Variants in ACVR1C observed in about 807,000 individuals in gnomAD.
The protein encoded by ACVR1C is activin receptor type-1C.
In ACVR1C, 23 loss-of-function variants were observed where a neutral mutation model predicts 57.9. That is an observed-to-expected ratio of 0.40 (90% CI 0.29 to 0.56). The LOEUF is 0.56. ACVR1C is among the 20% of genes least tolerant of loss of function. The probability of loss-of-function intolerance (pLI) is 0.50; values close to 1 mark genes in which losing one functional copy is unlikely to be tolerated. For synonymous variants in ACVR1C, 214 were observed against 215.3 expected, an observed-to-expected ratio of 0.99 and a Z score of 0.05; for missense variants, 480 against 607.9, an observed-to-expected ratio of 0.79 and a Z score of 2.21.
At chr2:157,566,196 A>G (rs1293385396) in intron 2 of ACVR1C, among the ~76,000 whole-genome samples, 2 of 152,172 alleles carry the variant, frequency 1.3e-5, no homozygotes, top group African/African-American at 2.4e-5. Flanking sequence ...CCCTTTACAT[A>G]AAAAAAGAAA....
At chr2:157,621,481 G>T (rs191410609) in intron 1 of ACVR1C, among the ~76,000 whole-genome samples, 68 of 152,224 alleles carry the variant, frequency 4.5e-4, no homozygotes, top group African/African-American at 1.6e-3. Context: ...GATTTGTATT[G>T]TTCGGGTTTC....
rs1687321167 is a variant in ACVR1C at position 157,530,043 on chromosome 2, A to G, written c.*3875T>C. 6.6e-6 allele frequency: 1 copy of G among 152,138 alleles called. No individual in the cohort carries two copies. The highest frequency in any genetic ancestry group is 2.1e-4 in the South Asian group (1 of 4,830). The allele number at this position is 152,138 out of a possible 1,614,324, so 9.4% of individuals were successfully genotyped here. On this transcript the variant is annotated 3_prime_UTR_variant, in exon 9 of 9. Coordinates refer to ENST00000243349, the MANE Select transcript of ACVR1C (RefSeq NM_145259.3). ...CAAAGCATTGTCAAACAGAAATAGT[A>G]TGTTTCACAAAAGATGTTTAAAATA...
chr2:157,574,260 T>C (rs977003626), intron 2 of ACVR1C, among the ~76,000 whole-genome samples: 2 of 152,204 alleles, frequency 1.3e-5, no homozygotes, highest in African/African-American at 4.8e-5. Context: ...GCAGATTCTA[T>C]GTTTGGTGAA....
chr2:157,530,927 A>T lies in ACVR1C; in HGVS notation c.*2991T>A, dbSNP rs1687337168. The stretch of plus-strand genomic sequence containing the variant: ...ATGTTTCTCTTATTTTCAGAAAGTG[A>T]TGCTGCATTTAAATCCCATCACCAC... On this transcript the variant is annotated 3_prime_UTR_variant, in exon 9 of 9. Transcript: ENST00000243349. 1 of 152,124 alleles carries T rather than the reference A, an allele frequency of 6.6e-6. No individual in the cohort carries two copies. The highest frequency in any genetic ancestry group is 1.5e-5 in the Non-Finnish European group (1 of 67,962). 9.4% of individuals were successfully genotyped at this position (152,124 alleles called of 1,614,324 possible).
intron 4 of ACVR1C, among the ~76,000 whole-genome samples, chr2:157,548,898 A>C (rs1214917680): frequency 6.6e-6 from 1 of 152,224 alleles, no homozygotes; most frequent in South Asian, 2.1e-4. Context: ...CAATCAAAAG[A>C]GATAATATTT....
chr2:157,561,967 A>G (rs185762233), intron 2 of ACVR1C, among the ~76,000 whole-genome samples: 2 of 152,292 alleles, frequency 1.3e-5, no homozygotes, highest in East Asian at 3.9e-4. Context: ...TATGTGACCC[A>G]TCTAGAGAAC....
At chr2:157,590,654 T>C (rs1410365993) in intron 1 of ACVR1C, among the ~76,000 whole-genome samples, 1 of 151,980 alleles carries the variant, frequency 6.6e-6, no homozygotes, top group Non-Finnish European at 1.5e-5. Context: ...TTCATCAATA[T>C]TTATGTGATA....
At position 157,591,950 on chromosome 2, in the gene ACVR1C, G is replaced by T. The variant is rs542582988; in HGVS notation, c.74-4533C>A. On this transcript the variant is annotated intron_variant, in intron 1 of 8. Transcript: ENST00000243349. ...ATGACTAAGGTGCCATAAAGAAATG[G>T]GTAGGTGAACAATTCTCCCACCCCA... 1.5e-4 allele frequency among the ~76,000 whole-genome samples: 23 copies of T among 152,048 alleles called. No homozygotes were observed. The South Asian group carries it at 4.8e-3, about 32-fold the overall frequency.
In ACVR1C at chr2:157,587,295, G is replaced by A; in HGVS notation, c.196C>T (p.Leu66Phe). ...KEQVIKSCVSLPELNAQVFCH... is the reference protein window; with the variant it reads ...KEQVIKSCVSFPELNAQVFCH... ...AAGACTTGAGCATTCAGTTCTGGAAGGGAGACACAGGATTTGATCACCTGC... is the reference window on the plus strand; with the variant it reads ...AAGACTTGAGCATTCAGTTCTGGAAAGGAGACACAGGATTTGATCACCTGC... The change falls in exon 2 of 9, where the codon CTT becomes TTT. Residue 66 changes from leucine to phenylalanine, a missense_variant. Leu to Phe is a conservative substitution (Grantham distance 22, BLOSUM62 0). Transcript: ENST00000243349. 2 of 1,613,688 alleles carry A rather than the reference G, an allele frequency of 1.2e-6. No individual in the cohort carries two copies. Among genetic ancestry groups the A allele is most frequent in the Non-Finnish European group, 1.7e-6 (2 of 1,179,676 alleles).
At chr2:157,565,339 C>T (rs908025292) in intron 2 of ACVR1C, among the ~76,000 whole-genome samples, 4 of 152,070 alleles carry the variant, frequency 2.6e-5, no homozygotes, top group African/African-American at 9.7e-5. Context: ...TGGTTGCAGG[C>T]AGACACCCCC....
At chr2:157,595,351 T>G (rs544506086) in intron 1 of ACVR1C, among the ~76,000 whole-genome samples, 5 of 152,300 alleles carry the variant, frequency 3.3e-5, no homozygotes, top group South Asian at 4.1e-4. Flanking sequence ...AGGCTGAATC[T>G]TTGTTTCCTT....
chr2:157,626,220 C>T (rs1208674638), intron 1 of ACVR1C, among the ~76,000 whole-genome samples: 3 of 152,198 alleles, frequency 2.0e-5, no homozygotes, highest in Non-Finnish European at 4.4e-5. Context: ...CCTCACACCT[C>T]GGCCTCCCAA....
rs1386087603 is a variant in ACVR1C at position 157,531,511 on chromosome 2, G to T, written c.*2407C>A. 6.6e-6 allele frequency: 1 copy of T among 151,822 alleles called. No homozygotes were observed. Among genetic ancestry groups the T allele is most frequent in the Admixed American group, 6.6e-5 (1 of 15,214 alleles). 9.4% of individuals were successfully genotyped at this position (151,822 alleles called of 1,614,324 possible). On this transcript the variant is annotated 3_prime_UTR_variant, in exon 9 of 9. Coordinates refer to ENST00000243349, the MANE Select transcript of ACVR1C (RefSeq NM_145259.3). ...CATAATGACAAGAAAAATGGAGATG[G>T]TAAAAAATCCTCTCTTAAAAATTCA...
intron 1 of ACVR1C, among the ~76,000 whole-genome samples, chr2:157,623,072 A>G (rs940438068): frequency 3.3e-5 from 5 of 152,164 alleles, no homozygotes; most frequent in African/African-American, 1.2e-4. Flanking sequence ...ATCTCACCCC[A>G]TTTAAAATGG....
chr2:157,542,655 C>A, intron 6 of ACVR1C, 51 bp downstream of exon 6: 1 of 1,570,928 alleles, frequency 6.4e-7, no homozygotes, highest in South Asian at 1.2e-5. Context: ...GACATTCATG[C>A]TTATTGGGCA....
At chr2:157,579,296 C>T (rs1361708279) in intron 2 of ACVR1C, among the ~76,000 whole-genome samples, 1 of 152,134 alleles carries the variant, frequency 6.6e-6, no homozygotes, top group Non-Finnish European at 1.5e-5. Context: ...ATTTGTCATC[C>T]TCTCTTCCAT....
intron 1 of ACVR1C, among the ~76,000 whole-genome samples, chr2:157,600,036 C>T (rs1452438655): frequency 6.6e-6 from 1 of 152,172 alleles, no homozygotes; most frequent in East Asian, 1.9e-4. Context: ...ACCCCAAAAG[C>T]AGAAGGCATC....
At chr2:157,558,047 A>G (rs1688145473) in intron 2 of ACVR1C, among the ~76,000 whole-genome samples, 2 of 152,146 alleles carry the variant, frequency 1.3e-5, no homozygotes, top group Non-Finnish European at 2.9e-5. Context: ...ATCTTAGAGC[A>G]TATTTGATAG....
intron 1 of ACVR1C, among the ~76,000 whole-genome samples, chr2:157,603,046 C>T (rs1682314870): frequency 6.6e-6 from 1 of 152,166 alleles, no homozygotes; most frequent in African/African-American, 2.4e-5. Flanking sequence ...TCTGGGTAAA[C>T]ACCCACAGGT....
Sources: gnomAD v4.1 joint callset for allele counts (sites outside exome capture counted in the v4.1 genomes callset) on GRCh38, gnomAD v4.1.1 for gene constraint, MANE v1.5 for transcripts, NCBI Gene and HGNC (gene_info 2026-07-23, HGNC 2026-07-21) for gene names.